LYZL4: variants seen among roughly 807,000 people sequenced by gnomAD.
LYZL4 encodes the protein lysozyme like 4, also known as lysozyme-like protein 4.
LYZL4 carries 13 observed loss-of-function variants against 17.6 expected under a neutral mutation model. The ratio of observed to expected loss-of-function variants is 0.74; its 90% confidence interval spans 0.48 to 1.18. The LOEUF is 1.18. Among genes scored for constraint, LYZL4 ranks in the 50% most tolerant of loss-of-function variants. The pLI is 0.00. For missense variants in LYZL4, 174 were observed against 188.2 expected (o/e 0.92, Z 0.44); for synonymous variants, 64 against 67.7 (o/e 0.95, Z 0.27).
chr3:42,402,867 G>A (rs1046539623), intron 4 of LYZL4, among the ~76,000 whole-genome samples: 3 of 152,160 alleles, frequency 2.0e-5, no homozygotes, highest in African/African-American at 2.4e-5. Flanking sequence ...ACAAATAGAG[G>A]AATGCATAAG....
the LYZL4 span, among the ~76,000 whole-genome samples, chr3:42,382,919 G>A: frequency 3.7e-4 from 56 of 151,924 alleles, no homozygotes; most frequent in Non-Finnish European, 6.5e-4. Flanking sequence ...GCCCCTAGGC[G>A]GCCTCAGAGA....
chr3:42,380,306 TG>T, the LYZL4 span, among the ~76,000 whole-genome samples: 28 of 152,324 alleles, frequency 1.8e-4, 1 homozygote, highest in Admixed American at 7.8e-4. Flanking sequence ...ATCTTGTGAG[TG>T]TAAGTTATTT....
intron 4 of LYZL4, among the ~76,000 whole-genome samples, chr3:42,402,429 A>G (rs1238855515): frequency 4.6e-5 from 7 of 152,002 alleles, no homozygotes; most frequent in Admixed American, 4.6e-4. Context: ...TCCAGAATAT[A>G]TAAATATCTC....
At chr3:42,401,012 A>G (rs1698642468) in intron 4 of LYZL4, among the ~76,000 whole-genome samples, 2 of 152,176 alleles carry the variant, frequency 1.3e-5, no homozygotes, top group Non-Finnish European at 2.9e-5. Context: ...CCCCAAGTAG[A>G]CGTCAGAGAA....
At chr3:42,394,952 C>A (rs17074372), downstream of LYZL4, among the ~76,000 whole-genome samples, 2,453 of 152,286 alleles carry the variant, frequency 0.016, 49 homozygotes, top group African/African-American at 0.051. Flanking sequence ...GACCTACCCT[C>A]GGAAGCAATG....
the LYZL4 span, among the ~76,000 whole-genome samples, chr3:42,370,237 G>A: frequency 3.3e-5 from 5 of 152,104 alleles, no homozygotes; most frequent in Non-Finnish European, 7.4e-5. Flanking sequence ...CTATTTAGTA[G>A]TTACAGCATT....
rs1194967502 is a variant in LYZL4 at position 42,397,221 on chromosome 3, T to G, written c.*44A>C. 17 of 1,362,828 alleles carry G rather than the reference T, an allele frequency of 1.2e-5. No individual in the cohort carries two copies. Among genetic ancestry groups the G allele is most frequent in the Non-Finnish European group, 1.6e-5 (16 of 979,796 alleles). 84.4% of individuals were successfully genotyped at this position (1,362,828 alleles called of 1,614,324 possible). A position where few individuals can be genotyped will look rare whatever the true frequency, so the allele number is the denominator to read the frequency against. Reference sequence around the variant, plus strand: ...GCAGCAAGCAGAAAAGCACCTTCATTCACAAGATGCAACTGGTGAGTGCTG... The same window carrying G: ...GCAGCAAGCAGAAAAGCACCTTCATGCACAAGATGCAACTGGTGAGTGCTG... On this transcript the variant is annotated 3_prime_UTR_variant, in exon 5 of 5. Coordinates refer to ENST00000287748, the MANE Select transcript of LYZL4 (RefSeq NM_144634.4).
At chr3:42,380,469 G>C in the LYZL4 span, among the ~76,000 whole-genome samples, 1 of 152,208 alleles carries the variant, frequency 6.6e-6, no homozygotes, top group South Asian at 2.1e-4. Flanking sequence ...TTAGTGGGCA[G>C]CTGAACCATG....
chr3:42,392,601 G>A (rs1698494571), downstream of LYZL4, among the ~76,000 whole-genome samples: 1 of 152,214 alleles, frequency 6.6e-6, no homozygotes. Context: ...GGGCAGCCAG[G>A]TGAGTATGTC....
At chr3:42,405,789 G>A (rs184871649) in intron 3 of LYZL4, among the ~76,000 whole-genome samples, 2 of 152,204 alleles carry the variant, frequency 1.3e-5, no homozygotes, top group Admixed American at 1.3e-4. Context: ...CCACAGCTGT[G>A]TGGTCTTGGG....
intron 4 of LYZL4, among the ~76,000 whole-genome samples, chr3:42,398,853 T>C (rs1698603725): frequency 6.6e-6 from 1 of 152,198 alleles, no homozygotes; most frequent in Non-Finnish European, 1.5e-5. Context: ...GGGATTTGAT[T>C]CTGTGAATCT....
chr3:42,403,960 G>A (rs747296567), intron 4 of LYZL4, 86 bp downstream of exon 4: 25 of 984,988 alleles, frequency 2.5e-5, no homozygotes, highest in Middle Eastern at 2.1e-4. Context: ...CTGCACGTGC[G>A]CAACAGCCAA....
chr3:42,393,916 C>T (rs543138814), downstream of LYZL4, among the ~76,000 whole-genome samples: 27 of 152,168 alleles, frequency 1.8e-4, no homozygotes, highest in South Asian at 6.2e-4. Flanking sequence ...TTCAGCCTCA[C>T]GGGCAGCTGG....
chr3:42,375,673 A>G, the LYZL4 span, among the ~76,000 whole-genome samples: 1 of 152,212 alleles, frequency 6.6e-6, no homozygotes, highest in African/African-American at 2.4e-5. Context: ...TAAGGAGAAC[A>G]CATTCATGAA....
At chr3:42,368,082 C>T in the LYZL4 span, among the ~76,000 whole-genome samples, 1 of 151,708 alleles carries the variant, frequency 6.6e-6, no homozygotes, top group African/African-American at 2.4e-5. Flanking sequence ...CATTAGCAAA[C>T]GAGAGCCCAC....
chr3:42,398,022 C>T (rs1270315176), intron 4 of LYZL4, among the ~76,000 whole-genome samples: 2 of 152,162 alleles, frequency 1.3e-5, no homozygotes, highest in African/African-American at 2.4e-5. Context: ...CACCCCTCAG[C>T]GGGCCGGTTT....
At chr3:42,395,610 G>A (rs555999668), downstream of LYZL4, among the ~76,000 whole-genome samples, 3 of 152,178 alleles carry the variant, frequency 2.0e-5, no homozygotes, top group South Asian at 6.2e-4. Context: ...TTCCAGTGAG[G>A]GGATATTCTT....
chr3:42,363,348 A>G, the LYZL4 span, among the ~76,000 whole-genome samples: 2 of 152,200 alleles, frequency 1.3e-5, no homozygotes, highest in African/African-American at 4.8e-5. Context: ...TCACAAAGAC[A>G]TTGTGTTTAT....
At chr3:42,383,101 G>A in the LYZL4 span, among the ~76,000 whole-genome samples, 87 of 152,278 alleles carry the variant, frequency 5.7e-4, 2 homozygotes, top group South Asian at 0.017. Context: ...ATCTGAAGAG[G>A]TCAATGCTGG....
Sources: gnomAD v4.1 joint callset for allele counts (sites outside exome capture counted in the v4.1 genomes callset) on GRCh38, gnomAD v4.1.1 for gene constraint, MANE v1.5 for transcripts, NCBI Gene and HGNC (gene_info 2026-07-23, HGNC 2026-07-21) for gene names.